SLC25A51: variants seen among roughly 807,000 people sequenced by gnomAD.
SLC25A51 encodes solute carrier family 25 member 51.
Under a neutral mutation model 19.1 loss-of-function variants are expected in SLC25A51, and 11 were observed. That is an observed-to-expected ratio of 0.58 (90% CI 0.36 to 0.96). The LOEUF (loss-of-function observed/expected upper bound fraction) is 0.96. Ranked by LOEUF, SLC25A51 falls within the 40% of genes least tolerant of loss-of-function variation. The pLI is 0.01. For synonymous variants in SLC25A51, 105 were observed against 133.6 expected (o/e 0.79, Z 1.47); for missense variants, 201 against 365.4 (o/e 0.55, Z 3.67).
chr9:37,885,475 T>C (rs1049487014), downstream of SLC25A51, among the ~76,000 whole-genome samples: 6 of 151,952 alleles, frequency 3.9e-5, no homozygotes, highest in African/African-American at 1.2e-4. Context: ...CAACTTATAT[T>C]TGGCCAATTA....
At chr9:37,895,213 T>A (rs1831691119) in intron 2 of SLC25A51, among the ~76,000 whole-genome samples, 1 of 152,188 alleles carries the variant, frequency 6.6e-6, no homozygotes, top group Admixed American at 6.5e-5. Flanking sequence ...AAAACTTTTT[T>A]TTTTTTGAGA....
At chr9:37,902,593 C>A (rs1490784689) in intron 1 of SLC25A51, among the ~76,000 whole-genome samples, 1 of 152,220 alleles carries the variant, frequency 6.6e-6, no homozygotes, top group Non-Finnish European at 1.5e-5. Context: ...ATACTGTGAA[C>A]ATGGTTAAAT....
In SLC25A51 at chr9:37,887,877, A is replaced by C. The variant is rs1831496994; in HGVS notation, c.674T>G (p.Leu225Trp). The change falls in exon 3 of 3, where the codon TTG becomes TGG. Residue 225 changes from leucine to tryptophan, a missense_variant. Transcript: ENST00000242275. ...FICGGLLGAM[L>W]GFLFFPINVV... ...ATTAATTGGAAAAAACAAGAATCCCAACATGGCACCCAATAGACCTCCACA... is the reference window on the plus strand; with the variant it reads ...ATTAATTGGAAAAAACAAGAATCCCCACATGGCACCCAATAGACCTCCACA... The C allele has an allele frequency of 6.2e-7, 1 of 1,612,122 alleles. No homozygotes were observed. Among genetic ancestry groups the C allele is most frequent in the Non-Finnish European group, 8.5e-7 (1 of 1,179,870 alleles).
At chr9:37,885,625 C>T (rs556286850), downstream of SLC25A51, 265 of 795,706 alleles carry the variant, frequency 3.3e-4, 1 homozygote, top group East Asian at 8.5e-4. Context: ...AATAATACGG[C>T]GCCCAACGTG....
chr9:37,878,967 G>A (rs1377630384), downstream of SLC25A51: 3 of 235,412 alleles, frequency 1.3e-5, no homozygotes, highest in Non-Finnish European at 2.6e-5. Flanking sequence ...GTTCCAAATG[G>A]TAAGGAAAAA....
chr9:37,900,408 C>A (rs1233414033), intron 1 of SLC25A51, among the ~76,000 whole-genome samples: 1 of 151,142 alleles, frequency 6.6e-6, no homozygotes, highest in Non-Finnish European at 1.5e-5. Flanking sequence ...AAGATCACAG[C>A]ACTGCACTCC....
At chr9:37,886,560 C>CAGT (rs1277848233), downstream of SLC25A51, among the ~76,000 whole-genome samples, 3 of 152,172 alleles carry the variant, frequency 2.0e-5, no homozygotes, top group Non-Finnish European at 2.9e-5. Context: ...AGGCACCCTA[C>CAGT]AGGAAGGCCT....
chr9:37,890,756 T>G (rs1831565480), intron 2 of SLC25A51, among the ~76,000 whole-genome samples: 1 of 151,582 alleles, frequency 6.6e-6, no homozygotes, highest in Admixed American at 6.6e-5. Flanking sequence ...CCAAAACAAT[T>G]GAAAGCGCAG....
At chr9:37,891,978 A>C (rs1831601692) in intron 2 of SLC25A51, among the ~76,000 whole-genome samples, 1 of 151,882 alleles carries the variant, frequency 6.6e-6, no homozygotes, top group African/African-American at 2.4e-5. Context: ...CAAATGCTCA[A>C]TAGTAAAAGA....
chr9:37,885,107 CA>C (rs1831419210), downstream of SLC25A51, among the ~76,000 whole-genome samples: 1 of 152,090 alleles, frequency 6.6e-6, no homozygotes, highest in Non-Finnish European at 1.5e-5. Context: ...CTGTCCTCTG[CA>C]GCTGCTCCTG....
At chr9:37,877,817 A>G (rs1831281672), downstream of SLC25A51, among the ~76,000 whole-genome samples, 1 of 152,048 alleles carries the variant, frequency 6.6e-6, no homozygotes, top group Admixed American at 6.6e-5. Flanking sequence ...AGACCAGCCT[A>G]GGCAACATGG....
intron 2 of SLC25A51, among the ~76,000 whole-genome samples, chr9:37,894,525 C>T (rs925667223): frequency 6.6e-6 from 1 of 152,052 alleles, no homozygotes; most frequent in African/African-American, 2.4e-5. Flanking sequence ...GGGTTATCAA[C>T]TTGTTGGCCA....
rs1382022947 is a variant in SLC25A51, at chr9:37,888,638, TA to T, written c.-42-47del. The T allele has an allele frequency of 1.3e-5, 19 of 1,418,778 alleles. No homozygotes were observed. In the East Asian group the frequency reaches 4.3e-4, roughly 32 times the overall value. 87.9% of individuals were successfully genotyped at this position (1,418,778 alleles called of 1,614,324 possible). A position where few individuals can be genotyped will look rare whatever the true frequency, so the allele number is the denominator to read the frequency against. ...CGGGTAAACCCGTTTTATAGAGAGCTAAACACATGGGCTTTCTCCCTAATCC... is the reference window on the plus strand; with the variant it reads ...CGGGTAAACCCGTTTTATAGAGAGCTAACACATGGGCTTTCTCCCTAATCC... On this transcript the variant is annotated intron_variant, in intron 2 of 2. Transcript: ENST00000242275.
At chr9:37,900,053 G>T (rs1049516882) in intron 1 of SLC25A51, 103 bp from the exon 2 acceptor site, 5 of 118,044 alleles carry the variant, frequency 4.2e-5, no homozygotes, top group Non-Finnish European at 8.0e-5. Context: ...GTCAACGGTG[G>T]TCTCAAACTC....
At chr9:37,896,761 A>C (rs1201109520) in intron 2 of SLC25A51, among the ~76,000 whole-genome samples, 1 of 152,152 alleles carries the variant, frequency 6.6e-6, no homozygotes, top group African/African-American at 2.4e-5. Flanking sequence ...GCACCACTGC[A>C]CTCCAGCCTG....
At chr9:37,896,768 C>T (rs1252448578) in intron 2 of SLC25A51, among the ~76,000 whole-genome samples, 1 of 152,176 alleles carries the variant, frequency 6.6e-6, no homozygotes, top group Non-Finnish European at 1.5e-5. Context: ...TGCACTCCAG[C>T]CTGGGTGACA....
At chr9:37,892,782 C>T (rs1315604597) in intron 2 of SLC25A51, among the ~76,000 whole-genome samples, 1 of 151,866 alleles carries the variant, frequency 6.6e-6, no homozygotes, top group Non-Finnish European at 1.5e-5. Flanking sequence ...CTCTGTTGCC[C>T]AGGCTGCAGT....
At chr9:37,897,813 T>A (rs1361571609) in intron 2 of SLC25A51, among the ~76,000 whole-genome samples, 1 of 152,100 alleles carries the variant, frequency 6.6e-6, no homozygotes, top group Non-Finnish European at 1.5e-5. Context: ...AGTTTTCAAG[T>A]TTACACAGGG....
downstream of SLC25A51, chr9:37,886,530 G>C: frequency 1.0e-6 from 1 of 993,844 alleles, no homozygotes; most frequent in East Asian, 2.6e-5. Context: ...TGATTTTAAA[G>C]AGGCATCTAG....
Sources: allele counts gnomAD v4.1 joint callset (sites outside exome capture counted in the v4.1 genomes callset), GRCh38; gene constraint gnomAD v4.1.1; transcripts MANE v1.5; gene names NCBI Gene and HGNC (gene_info 2026-07-23, HGNC 2026-07-21).